The following SGO2 variants were observed in gnomAD, a reference collection of about 807,000 sequenced individuals.
The protein encoded by SGO2 is shugoshin 2.
SGO2 carries 68 observed loss-of-function variants against 99.5 expected under a neutral mutation model. That is an observed-to-expected ratio of 0.68 (90% CI 0.56 to 0.84). The LOEUF (loss-of-function observed/expected upper bound fraction) is 0.84. Ranked by LOEUF, SGO2 falls within the 40% of genes least tolerant of loss-of-function variation. SGO2 has a pLI of 0.00. For synonymous variants in SGO2, 457 were observed against 487.1 expected, an observed-to-expected ratio of 0.94 and a Z score of 0.81; for missense variants, 1,350 against 1,436.7, an observed-to-expected ratio of 0.94 and a Z score of 0.97.
At chr2:200,551,981 A>G (rs2032505751) in intron 5 of SGO2, among the ~76,000 whole-genome samples, 1 of 152,200 alleles carries the variant, frequency 6.6e-6, no homozygotes, top group East Asian at 1.9e-4. Context: ...CTTGAATTTT[A>G]GAATCAGCTT....
chr2:200,569,675 T>A lies in SGO2; in HGVS notation c.486T>A (p.Thr162=), dbSNP rs754961190. 6.2e-7 allele frequency: 1 copy of A among 1,606,946 alleles called. No individual in the cohort carries two copies. Among genetic ancestry groups the A allele is most frequent in the East Asian group, 2.2e-5 (1 of 44,628 alleles). Reference sequence around the variant, plus strand: ...CACTTGCCTTTAGGGTTCCATTAACTTCAAATGATGATGAAGATGAAGATA... The same window carrying A: ...CACTTGCCTTTAGGGTTCCATTAACATCAAATGATGATGAAGATGAAGATA... ...MRLPFARVPL[T]SNDDEDEDKE... Residue 162 remains threonine (T), a synonymous_variant, in exon 6 of 9, where the codon ACT becomes ACA. Coordinates refer to ENST00000357799, the MANE Select transcript of SGO2 (RefSeq NM_152524.6).
chr2:200,582,613 A>G (rs1203637640), intron 8 of SGO2, among the ~76,000 whole-genome samples: 1 of 152,142 alleles, frequency 6.6e-6, no homozygotes, highest in Non-Finnish European at 1.5e-5. Context: ...GATTTAGTAT[A>G]ATTAGTGCAT....
rs377491006 is a variant in SGO2, at chr2:200,536,870, C to A, written c.387+728C>A. Among the ~76,000 whole-genome samples, 231 of 152,220 alleles carry A rather than the reference C, an allele frequency of 1.5e-3. 1 individual carries two copies. The highest frequency in any genetic ancestry group is 5.2e-3 in the African/African-American group (217 of 41,542). ...AGTATAGAATAAAGTTTCACACATGCTTTTGTCCGCCTTCAGCTACTTTCT... is the reference window on the plus strand; with the variant it reads ...AGTATAGAATAAAGTTTCACACATGATTTTGTCCGCCTTCAGCTACTTTCT... On this transcript the variant is annotated intron_variant, in intron 4 of 8. Coordinates refer to ENST00000357799, the MANE Select transcript of SGO2 (RefSeq NM_152524.6).
chr2:200,578,185 T>TATAGATATAGATATAG (rs1559221928), intron 8 of SGO2, among the ~76,000 whole-genome samples: 1 of 16,484 alleles, frequency 6.1e-5, no homozygotes, highest in Non-Finnish European at 1.7e-4. Flanking sequence ...TATAGATATA[T>TATAGATATAGATATAG]ATCGTGGGTA....
At chr2:200,531,819 T>C (rs1178406996) in intron 1 of SGO2, 1 of 152,804 alleles carries the variant, frequency 6.5e-6, no homozygotes, top group Non-Finnish European at 1.5e-5. Context: ...TTCAGGAGAA[T>C]CTGTTCCTTG....
rs2031108728 is a variant in SGO2 at position 200,526,643 on chromosome 2, A to G, written c.-3+391A>G. 6.6e-6 allele frequency among the ~76,000 whole-genome samples: 1 copy of G among 152,048 alleles called. No individual in the cohort carries two copies. Among genetic ancestry groups the G allele is most frequent in the Non-Finnish European group, 1.5e-5 (1 of 68,014 alleles). ...TAGGGACTGCGTGCCAAAGTTCTCG[A>G]AGGAGCCCTCTCGTTTGGAGAGGCT... On this transcript the variant is annotated intron_variant, in intron 1 of 8. Coordinates refer to ENST00000357799, the MANE Select transcript of SGO2 (RefSeq NM_152524.6). The surrounding 1 kb of genome is among the most constrained non-coding windows in gnomAD (Gnocchi z 4.8).
intron 5 of SGO2, among the ~76,000 whole-genome samples, chr2:200,551,906 A>G (rs373780041): frequency 1.3e-5 from 2 of 152,292 alleles, no homozygotes; most frequent in East Asian, 3.9e-4. Context: ...TTGCTATTTG[A>G]TAGTGTGAAT....
intron 5 of SGO2, 70 bp downstream of exon 5, chr2:200,542,734 G>A: frequency 7.6e-7 from 1 of 1,313,036 alleles, no homozygotes; most frequent in South Asian, 1.3e-5. Context: ...GTGTTTGTGT[G>A]TATTGTACAG....
Position 200,529,970 on chromosome 2 carries a change from G to A in SGO2, c.-2-3004G>A, listed in dbSNP as rs58297926. On this transcript the variant is annotated intron_variant, in intron 1 of 8. Transcript: ENST00000357799. ...CTAAATGCAGAATAACCAGTATAAA[G>A]GACCTGAGGCTGAAGAATGCCTGGC... Among the ~76,000 whole-genome samples the A allele has an allele frequency of 5.4e-3, 827 of 152,322 alleles. 9 individuals carry two copies. Among genetic ancestry groups the A allele is most frequent in the African/African-American group, 0.018 (764 of 41,556 alleles).
intron 5 of SGO2, among the ~76,000 whole-genome samples, chr2:200,543,895 A>G (rs1559202721): frequency 6.6e-6 from 1 of 152,194 alleles, no homozygotes; most frequent in South Asian, 2.1e-4. Flanking sequence ...TACATATTCA[A>G]ACATGGTGGA....
intron 5 of SGO2, among the ~76,000 whole-genome samples, chr2:200,568,534 G>C (rs1427477804): frequency 2.0e-5 from 3 of 152,146 alleles, no homozygotes; most frequent in African/African-American, 4.8e-5. Context: ...ATGGGATTCA[G>C]AGGTCAGCTA....
intron 4 of SGO2, among the ~76,000 whole-genome samples, chr2:200,541,522 G>GC (rs2031955638): frequency 1.3e-5 from 2 of 152,134 alleles, no homozygotes; most frequent in Admixed American, 1.3e-4. Flanking sequence ...TTTCTGTGTG[G>GC]CTCTGCATGG....
intron 5 of SGO2, among the ~76,000 whole-genome samples, chr2:200,559,634 C>T (rs1251590767): frequency 6.6e-6 from 1 of 152,084 alleles, no homozygotes; most frequent in Non-Finnish European, 1.5e-5. Context: ...TCTCGTTGCC[C>T]AAGCTGGACT....
chr2:200,577,152 G>A (rs998317227), intron 8 of SGO2, among the ~76,000 whole-genome samples: 1 of 151,872 alleles, frequency 6.6e-6, no homozygotes, highest in Non-Finnish European at 1.5e-5. Context: ...GCTTACCAAC[G>A]ATGATGATTT....
At position 200,571,325 on chromosome 2, in the gene SGO2, C is replaced by T. The variant is rs924445247; in HGVS notation, c.979C>T (p.Gln327Ter). The part of the protein sequence containing the change: ...ETNTEMQRNK[Q>*]DLPGLSSESA... ...AAATACTGAAATGCAAAGAAATAAA[C>T]AGGATCTTCCTGGCTTATCTTCTGA... The change falls in exon 7 of 9, where the codon CAG becomes TAG. Residue 327 changes from glutamine to a stop codon, truncating the protein, a stop_gained. Transcript: ENST00000357799. LOFTEE classifies it high-confidence loss of function. 1.2e-6 allele frequency: 2 copies of T among 1,612,756 alleles called. No individual in the cohort carries two copies. The highest frequency in any genetic ancestry group is 1.7e-6 in the Non-Finnish European group (2 of 1,179,138).
chr2:200,548,939 G>A (rs1245147092), intron 5 of SGO2, among the ~76,000 whole-genome samples: 1 of 152,164 alleles, frequency 6.6e-6, no homozygotes, highest in African/African-American at 2.4e-5. Context: ...TGAGATTGAA[G>A]CTATAATAAA....
intron 2 of SGO2, among the ~76,000 whole-genome samples, chr2:200,533,829 G>A (rs1485049509): frequency 1.3e-5 from 2 of 152,088 alleles, no homozygotes; most frequent in Non-Finnish European, 2.9e-5. Flanking sequence ...CTGGGTGCCT[G>A]TAAATCATGA....
chr2:200,576,211 G>T (rs2033654144), intron 8 of SGO2: 1 of 212,364 alleles, frequency 4.7e-6, no homozygotes, highest in South Asian at 4.6e-5. Flanking sequence ...TAAGGACCAA[G>T]GGGCCTTTTT....
Position 200,573,607 on chromosome 2 carries a change from T to G in SGO2, c.3261T>G (p.Asp1087Glu). 6.2e-7 allele frequency: 1 copy of G among 1,610,906 alleles called. No individual in the cohort carries two copies. The change falls in exon 7 of 9, where the codon GAT becomes GAG. Residue 1087 changes from aspartate to glutamate, a missense_variant. Physicochemically the swap from Asp to Glu is conservative, Grantham distance 45. Coordinates refer to ENST00000357799, the MANE Select transcript of SGO2 (RefSeq NM_152524.6). Reference sequence around the variant, plus strand: ...CAAAGAAAAGGAAGACCTCCATAGATCCTTCTCCAGAGAGCCATGAAGTAA... The same window carrying G: ...CAAAGAAAAGGAAGACCTCCATAGAGCCTTCTCCAGAGAGCCATGAAGTAA... ...SKSKKRKTSI[D>E]PSPESHEVME...
Sources: gnomAD v4.1 joint callset for allele counts (sites outside exome capture counted in the v4.1 genomes callset) on GRCh38, gnomAD v4.1.1 for gene constraint, Gnocchi (gnomAD v3.1) non-coding constraint, MANE v1.5 for transcripts, NCBI Gene and HGNC (gene_info 2026-07-23, HGNC 2026-07-21) for gene names.